Variants in CLNK observed in about 807,000 individuals in gnomAD.
The protein encoded by CLNK is cytokine dependent hematopoietic cell linker, also known as cytokine-dependent hematopoietic cell linker.
In CLNK, 74 loss-of-function variants were observed where a neutral mutation model predicts 68.6. The observed-to-expected ratio is 1.08, with a 90% confidence interval of 0.89 to 1.31. CLNK has a LOEUF of 1.31. Ranked by LOEUF, CLNK falls within the 50% of genes most tolerant of loss-of-function variation. The probability of loss-of-function intolerance (pLI) is 0.00; values close to 1 mark genes in which losing one functional copy is unlikely to be tolerated. For missense variants in CLNK, 553 were observed against 515.3 expected, an observed-to-expected ratio of 1.07 and a Z score of -0.71; for synonymous variants, 198 against 172.2, an observed-to-expected ratio of 1.15 and a Z score of -1.17.
At chr4:10,696,526 G>A in the CLNK span, among the ~76,000 whole-genome samples, 11 of 152,146 alleles carry the variant, frequency 7.2e-5, no homozygotes, top group African/African-American at 2.4e-4. Context: ...TTTTAACATT[G>A]GAAGATGTAA....
At chr4:10,666,664 C>T (rs995158733) in intron 2 of CLNK, among the ~76,000 whole-genome samples, 1 of 152,330 alleles carries the variant, frequency 6.6e-6, no homozygotes, top group Admixed American at 6.5e-5. Flanking sequence ...CTGTAAGGAT[C>T]GGGGAGGAAA....
At chr4:10,616,567 G>T (rs1361262288) in intron 2 of CLNK, among the ~76,000 whole-genome samples, 1 of 152,066 alleles carries the variant, frequency 6.6e-6, no homozygotes, top group African/African-American at 2.4e-5. Context: ...CAGCAATATT[G>T]ATGTTAGAAC....
chr4:10,600,083 C>T (rs1442640409), intron 2 of CLNK, among the ~76,000 whole-genome samples: 1 of 152,214 alleles, frequency 6.6e-6, no homozygotes, highest in Non-Finnish European at 1.5e-5. Context: ...TCTGTTGCTC[C>T]TTTATTTCCT....
intron 1 of CLNK, among the ~76,000 whole-genome samples, chr4:10,680,070 A>G (rs1362391563): frequency 1.3e-5 from 2 of 152,278 alleles, no homozygotes; most frequent in African/African-American, 4.8e-5. Context: ...ATGCACACGT[A>G]TGTTTATTGC....
intron 2 of CLNK, among the ~76,000 whole-genome samples, chr4:10,665,432 G>A (rs1254982689): frequency 3.3e-5 from 5 of 152,102 alleles, no homozygotes; most frequent in African/African-American, 7.2e-5. Flanking sequence ...TTGGGAGGCC[G>A]AGGCTGGCGG....
At chr4:10,625,236 A>G (rs1170700232) in intron 2 of CLNK, among the ~76,000 whole-genome samples, 1 of 152,232 alleles carries the variant, frequency 6.6e-6, no homozygotes, top group Non-Finnish European at 1.5e-5. Flanking sequence ...TTGCTGTGAC[A>G]GGGAAACATT....
At chr4:10,559,837 T>C (rs1719818438) in intron 7 of CLNK, among the ~76,000 whole-genome samples, 2 of 152,178 alleles carry the variant, frequency 1.3e-5, no homozygotes, top group African/African-American at 4.8e-5. Flanking sequence ...CCAGCTTGGA[T>C]TCACAGGTAC....
intron 5 of CLNK, among the ~76,000 whole-genome samples, chr4:10,567,924 G>C (rs1720186013): frequency 6.6e-6 from 1 of 152,074 alleles, no homozygotes; most frequent in African/African-American, 2.4e-5. Flanking sequence ...AAAATAATCA[G>C]GGCTGACAAG....
chr4:10,625,320 G>T (rs1304433112), intron 2 of CLNK, among the ~76,000 whole-genome samples: 2 of 152,200 alleles, frequency 1.3e-5, no homozygotes, highest in Non-Finnish European at 2.9e-5. Context: ...GGCAGAGAGA[G>T]GGGGCAAACA....
chr4:10,493,194 T>C (rs980701326), intron 18 of CLNK, among the ~76,000 whole-genome samples: 7 of 152,200 alleles, frequency 4.6e-5, no homozygotes, highest in African/African-American at 1.7e-4. Flanking sequence ...GGCATGTGCC[T>C]GTAATCCCAG....
rs1719143953 is a variant in CLNK at position 10,544,339 on chromosome 4, G to A, written c.446-2059C>T. Among the ~76,000 whole-genome samples the A allele has an allele frequency of 2.6e-5, 4 of 152,146 alleles. No homozygotes were observed. The South Asian group carries it at 8.3e-4, about 32-fold the overall frequency. ...TTATTGAGCACATAGTATGTGTTAGGTATGGACTCATTTTTAATATATGCA... is the reference window on the plus strand; with the variant it reads ...TTATTGAGCACATAGTATGTGTTAGATATGGACTCATTTTTAATATATGCA... On this transcript the variant is annotated intron_variant, in intron 8 of 18. Coordinates refer to ENST00000226951, the MANE Select transcript of CLNK (RefSeq NM_052964.4).
intron 5 of CLNK, among the ~76,000 whole-genome samples, chr4:10,570,708 C>T (rs1255826790): frequency 1.3e-5 from 2 of 152,096 alleles, no homozygotes; most frequent in Non-Finnish European, 2.9e-5. Flanking sequence ...CATACATCTG[C>T]CTATCTAATC....
chr4:10,536,049 C>G (rs546847593), intron 11 of CLNK, among the ~76,000 whole-genome samples: 9 of 152,258 alleles, frequency 5.9e-5, no homozygotes, highest in African/African-American at 2.2e-4. Flanking sequence ...CAAGGCTTAG[C>G]TTTAAAAAAG....
At chr4:10,522,634 G>A (rs535182997) in intron 14 of CLNK, among the ~76,000 whole-genome samples, 6 of 151,276 alleles carry the variant, frequency 4.0e-5, no homozygotes, top group South Asian at 2.1e-4. Flanking sequence ...TTTAACAAAC[G>A]TGTTGAACAC....
At chr4:10,681,420 C>G (rs1420171789) in intron 1 of CLNK, among the ~76,000 whole-genome samples, 3 of 152,154 alleles carry the variant, frequency 2.0e-5, no homozygotes, top group Admixed American at 2.0e-4. Context: ...TTATCTTTAT[C>G]TTACACGAAA....
chr4:10,660,346 G>C (rs1186763780), intron 2 of CLNK, among the ~76,000 whole-genome samples: 1 of 152,188 alleles, frequency 6.6e-6, no homozygotes, highest in Non-Finnish European at 1.5e-5. Context: ...ATAACATTGG[G>C]AGACATTATA....
At chr4:10,665,699 A>G (rs1724370872) in intron 2 of CLNK, among the ~76,000 whole-genome samples, 1 of 150,330 alleles carries the variant, frequency 6.7e-6, no homozygotes, top group Non-Finnish European at 1.5e-5. Flanking sequence ...AGAAGCAGAG[A>G]CGGAAAGGGT....
chr4:10,676,658 G>A (rs1056397163), intron 1 of CLNK, among the ~76,000 whole-genome samples: 2 of 151,926 alleles, frequency 1.3e-5, no homozygotes, highest in African/African-American at 4.8e-5. Flanking sequence ...CTCTTCAGCT[G>A]CCTGATTCTG....
At chr4:10,731,860 C>T in the CLNK span, among the ~76,000 whole-genome samples, 3 of 152,098 alleles carry the variant, frequency 2.0e-5, no homozygotes, top group Non-Finnish European at 4.4e-5. Flanking sequence ...GCAAATCTAA[C>T]GTAGTCTGAA....
Sources: gnomAD v4.1 joint callset for allele counts (sites outside exome capture counted in the v4.1 genomes callset) on GRCh38, gnomAD v4.1.1 for gene constraint, MANE v1.5 for transcripts, NCBI Gene and HGNC (gene_info 2026-07-23, HGNC 2026-07-21) for gene names.